The following KCNMA1 variants were observed in gnomAD, a reference collection of about 807,000 sequenced individuals.
KCNMA1 encodes Calcium-activated potassium channel subunit alpha-1.
KCNMA1 carries 29 observed loss-of-function variants against 140.0 expected under a neutral mutation model. The ratio of observed to expected loss-of-function variants is 0.21; its 90% CI spans 0.15 to 0.28. The LOEUF (loss-of-function observed/expected upper bound fraction) is 0.28, where lower values mean the gene tolerates loss of function less well. Ranked by LOEUF, KCNMA1 falls within the 10% of genes least tolerant of loss-of-function variation. The probability of loss-of-function intolerance (pLI) is 1.00; values close to 1 mark genes in which losing one functional copy is unlikely to be tolerated. For missense variants in KCNMA1, 880 were observed against 1,602.2 expected (o/e 0.55, Z 7.70); for synonymous variants, 612 against 611.9 (o/e 1.00, Z 0.00).
At chr10:77,620,429 A>T (rs2091021751) in intron 1 of KCNMA1, among the ~76,000 whole-genome samples, 1 of 152,188 alleles carries the variant, frequency 6.6e-6, no homozygotes, top group Admixed American at 6.5e-5. Flanking sequence ...ACAGTTGGCA[A>T]CAGAGAAGGC....
intron 17 of KCNMA1, among the ~76,000 whole-genome samples, chr10:77,014,405 G>T (rs971044427): frequency 6.7e-6 from 1 of 149,690 alleles, no homozygotes; most frequent in Non-Finnish European, 1.5e-5. Context: ...CAGCCTGGGA[G>T]CCTGGGCAAT....
At chr10:77,181,335 G>A (rs2098800886) in intron 5 of KCNMA1, among the ~76,000 whole-genome samples, 1 of 152,160 alleles carries the variant, frequency 6.6e-6, no homozygotes, top group African/African-American at 2.4e-5. Flanking sequence ...CCCTGTGTGT[G>A]CATGGGTATG....
intron 2 of KCNMA1, among the ~76,000 whole-genome samples, chr10:77,331,280 A>G (rs1748504727): frequency 6.6e-6 from 1 of 152,214 alleles, no homozygotes; most frequent in Non-Finnish European, 1.5e-5. Context: ...AATCTGAGCA[A>G]TAACTTGCTT....
intron 14 of KCNMA1, among the ~76,000 whole-genome samples, chr10:77,068,698 T>TTGTGTGTG (rs199660003): frequency 0.2 from 27,012 of 132,356 alleles, 3,029 homozygotes; most frequent in Middle Eastern, 0.27. Flanking sequence ...GTTCCAGGTT[T>TTGTGTGTG]TGTGTGTGTG....
At chr10:76,938,939 C>A (rs573732873) in intron 23 of KCNMA1, among the ~76,000 whole-genome samples, 2 of 152,232 alleles carry the variant, frequency 1.3e-5, no homozygotes, top group Admixed American at 6.5e-5. Flanking sequence ...AAACCCTTAG[C>A]AAGACAAGTC....
At chr10:77,490,079 C>G (rs2098513484) in intron 1 of KCNMA1, among the ~76,000 whole-genome samples, 1 of 152,198 alleles carries the variant, frequency 6.6e-6, no homozygotes, top group Non-Finnish European at 1.5e-5. Flanking sequence ...GCACCGGATG[C>G]CAGCAGCACC....
intron 2 of KCNMA1, among the ~76,000 whole-genome samples, chr10:77,369,779 A>C (rs2094564937): frequency 6.6e-6 from 1 of 152,212 alleles, no homozygotes; most frequent in South Asian, 2.1e-4. Context: ...GAGAGAGGGA[A>C]CATGTGTGCA....
At chr10:77,436,428 A>G (rs1218698401) in intron 1 of KCNMA1, among the ~76,000 whole-genome samples, 1 of 149,286 alleles carries the variant, frequency 6.7e-6, no homozygotes, top group Non-Finnish European at 1.5e-5. Context: ...TTGTTAACAG[A>G]TTACTAACCA....
At chr10:77,106,548 A>AT (rs1262370864) in intron 9 of KCNMA1, among the ~76,000 whole-genome samples, 1 of 151,394 alleles carries the variant, frequency 6.6e-6, no homozygotes, top group Non-Finnish European at 1.5e-5. Context: ...TAAAAAAAAA[A>AT]AATCACCTGG....
intron 11 of KCNMA1, among the ~76,000 whole-genome samples, chr10:77,085,191 T>C (rs540387952): frequency 1.3e-5 from 2 of 152,340 alleles, no homozygotes; most frequent in Admixed American, 1.3e-4. Flanking sequence ...CTGACCTTTT[T>C]CACATCTTCA....
chr10:77,144,884 C>T (rs1450920323), intron 5 of KCNMA1, among the ~76,000 whole-genome samples: 4 of 152,184 alleles, frequency 2.6e-5, no homozygotes, highest in African/African-American at 4.8e-5. Context: ...CTCCTAGCCT[C>T]ATTTCCTCAT....
intron 18 of KCNMA1, among the ~76,000 whole-genome samples, chr10:77,011,431 T>C (rs1208030723): frequency 6.6e-6 from 1 of 152,204 alleles, no homozygotes; most frequent in East Asian, 1.9e-4. Flanking sequence ...TGAAGCCCTT[T>C]GGCAGTGGAA....
intron 5 of KCNMA1, among the ~76,000 whole-genome samples, chr10:77,124,486 T>G (rs2097691075): frequency 6.6e-6 from 1 of 152,094 alleles, no homozygotes; most frequent in African/African-American, 2.4e-5. Context: ...CAGGATAAGA[T>G]CAATAGTGTA....
intron 14 of KCNMA1, among the ~76,000 whole-genome samples, chr10:77,040,091 G>A (rs2094579472): frequency 6.6e-6 from 1 of 150,872 alleles, no homozygotes; most frequent in Non-Finnish European, 1.5e-5. Flanking sequence ...TGTTGCCCAG[G>A]CTTGTCTTGA....
intron 1 of KCNMA1, among the ~76,000 whole-genome samples, chr10:77,590,595 G>A (rs11002215): frequency 0.067 from 10,257 of 152,296 alleles, 1,107 homozygotes; most frequent in East Asian, 0.51. Flanking sequence ...GCAAGCTGAG[G>A]GAGCCGGCTC....
chr10:77,634,502 G>A (rs2093542533), intron 1 of KCNMA1: 2 of 985,320 alleles, frequency 2.0e-6, no homozygotes, highest in Non-Finnish European at 2.4e-6. Context: ...GAGACCAAAC[G>A]CTCATGAAAT....
intron 22 of KCNMA1, 35 bp from the exon 23 acceptor site, chr10:76,945,000 G>A (rs562309396): frequency 5.1e-6 from 8 of 1,567,314 alleles, no homozygotes; most frequent in African/African-American, 2.7e-5. Flanking sequence ...AAACAGAGAT[G>A]GGGGGAGAAA....
intron 1 of KCNMA1, chr10:77,498,990 T>C (rs553406314): frequency 6.6e-6 from 1 of 152,132 alleles, no homozygotes; most frequent in Non-Finnish European, 1.5e-5. Context: ...ATCTATATAA[T>C]GAGGACAAAC....
chr10:77,434,941 A>AT (rs1474808982), intron 1 of KCNMA1, among the ~76,000 whole-genome samples: 2 of 152,124 alleles, frequency 1.3e-5, no homozygotes, highest in African/African-American at 4.8e-5. Context: ...ATGGAGTCAA[A>AT]TTTTTTAACT....
Sources: allele counts gnomAD v4.1 joint callset (sites outside exome capture counted in the v4.1 genomes callset), GRCh38; gene constraint gnomAD v4.1.1; transcripts MANE v1.5; gene names NCBI Gene and HGNC (gene_info 2026-07-23, HGNC 2026-07-21).